Variants in RBM8A observed in about 807,000 individuals in gnomAD.
RBM8A encodes the protein RNA-binding protein 8A.
Under a neutral mutation model 25.1 loss-of-function variants are expected in RBM8A, and 8 were observed. The observed-to-expected ratio is 0.32, with a 90% CI of 0.19 to 0.58. The LOEUF is 0.58. RBM8A is among the 20% of genes least tolerant of loss of function. The pLI, the probability that RBM8A is intolerant of heterozygous loss-of-function variation, is 0.88. For synonymous variants in RBM8A, 66 were observed against 80.0 expected (o/e 0.82, Z 0.94); for missense variants, 114 against 236.8 (o/e 0.48, Z 3.40).
rs1647851787 is a variant in RBM8A, at chr1:145,922,534, TGACA to T, written c.*3344_*3347del. On this transcript the variant is annotated 3_prime_UTR_variant, in exon 6 of 6. Coordinates refer to ENST00000583313, the MANE Select transcript of RBM8A (RefSeq NM_005105.5). ...ATGAATTTCATCCTTTCTTACAGCC[TGACA>T]ATCTGACAATATTTGCAACCTCTAT... 1 of 152,236 alleles carries T rather than the reference TGACA, an allele frequency of 6.6e-6. No individual in the cohort carries two copies. Among genetic ancestry groups the T allele is most frequent in the Non-Finnish European group, 1.5e-5 (1 of 68,040 alleles). The allele number at this position is 152,236 out of a possible 1,614,324, so 9.4% of individuals were successfully genotyped here.
At chr1:145,926,298 A>T (rs1280382515) in intron 4 of RBM8A, 121 bp from the exon 5 acceptor site, 1 of 1,458,206 alleles carries the variant, frequency 6.9e-7, no homozygotes, top group African/African-American at 1.4e-5. Context: ...AATGTACATC[A>T]TATATCTCTA....
At chr1:145,926,020 T>C in intron 5 of RBM8A, 21 bp downstream of exon 5, 1 of 1,614,216 alleles carries the variant, frequency 6.2e-7, no homozygotes, top group Non-Finnish European at 8.5e-7. Flanking sequence ...ACCCAGACAG[T>C]ATTTGCCCTC....
In RBM8A at chr1:145,924,107, T is replaced by C. The variant is rs782516553; in HGVS notation, c.*1775A>G. The C allele has an allele frequency of 5.6e-6, 4 of 713,348 alleles. No homozygotes were observed. The highest frequency in any genetic ancestry group is 3.0e-5 in the South Asian group (2 of 66,802). The allele number at this position is 713,348 out of a possible 1,614,324, so 44.2% of individuals were successfully genotyped here. ...AGACAGTATGACATAGGTGGGTAGGTTGGGTGGTGAGGGGAACCAGTTCTA... is the reference window on the plus strand; with the variant it reads ...AGACAGTATGACATAGGTGGGTAGGCTGGGTGGTGAGGGGAACCAGTTCTA... On this transcript the variant is annotated 3_prime_UTR_variant, in exon 6 of 6. Transcript: ENST00000583313.
At position 145,925,906 on chromosome 1, in the gene RBM8A, T is replaced by C. The variant is rs1553755763; in HGVS notation, c.501A>G (p.Arg167=). The C allele has an allele frequency of 6.2e-7, 1 of 1,614,164 alleles. No individual in the cohort carries two copies. ...GKRRGGRRRS[R]SPDRRRR is the part of the protein sequence containing the mutation. ...GTCAGCGACGTCTCCGGTCTGGACT[T>C]CTGCTGCGTCTTCGGCCACCTCTAG... Residue 167 remains arginine, a synonymous_variant, in exon 6 of 6, where the codon AGA becomes AGG. Transcript: ENST00000583313.
At chr1:145,926,674 T>A (rs1464453579) in intron 3 of RBM8A, 56 bp from the exon 4 acceptor site, 10 of 1,612,550 alleles carry the variant, frequency 6.2e-6, no homozygotes, top group Middle Eastern at 1.7e-4. Flanking sequence ...TTAAGCAGGC[T>A]CACAGGAATA....
At chr1:145,926,737 C>A in intron 3 of RBM8A, 72 bp downstream of exon 3, 1 of 1,613,832 alleles carries the variant, frequency 6.2e-7, no homozygotes, top group African/African-American at 1.3e-5. Context: ...ATTCCTACTG[C>A]GTTTAACTAT....
At position 145,925,714 on chromosome 1, in the gene RBM8A, C is replaced by A. The variant is rs1648112262; in HGVS notation, c.*168G>T. On this transcript the variant is annotated 3_prime_UTR_variant, in exon 6 of 6. Transcript: ENST00000583313. Reference sequence around the variant, plus strand: ...TTTCAATTTTAGGACAGGAAAGTAACATTAAATGTAGAAAACAAAAATGGA... The same window carrying A: ...TTTCAATTTTAGGACAGGAAAGTAAAATTAAATGTAGAAAACAAAAATGGA... The A allele has an allele frequency of 1.4e-6, 1 of 695,212 alleles. No individual in the cohort carries two copies. The highest frequency in any genetic ancestry group is 2.4e-6 in the Non-Finnish European group (1 of 415,064). The allele number at this position is 695,212 out of a possible 1,614,324, so 43.1% of individuals were successfully genotyped here. A position where few individuals can be genotyped will look rare whatever the true frequency, so the allele number is the denominator to read the frequency against.
Position 145,925,638 on chromosome 1 carries a change from C to T in RBM8A, c.*244G>A, listed in dbSNP as rs1402859608. The T allele has an allele frequency of 3.8e-6, 2 of 532,778 alleles. No individual in the cohort carries two copies. The highest frequency in any genetic ancestry group is 5.2e-4 in the Middle Eastern group (1 of 1,940). 33.0% of individuals were successfully genotyped at this position (532,778 alleles called of 1,614,324 possible). ...AAAAAAGAAATACATAGAGTTCAGT[C>T]CCTAGAAGTATCTTCACAATGATCC... On this transcript the variant is annotated 3_prime_UTR_variant, in exon 6 of 6. Transcript: ENST00000583313.
intron 3 of RBM8A, 63 bp from the exon 4 acceptor site, chr1:145,926,681 AAT>A: frequency 6.2e-7 from 1 of 1,612,670 alleles, no homozygotes. Context: ...GGCTCACAGG[AAT>A]AGAGTGAGTG....
Position 145,922,457 on chromosome 1 carries a change from A to AT in RBM8A, c.*3424dup, listed in dbSNP as rs1419401739. 2 of 152,024 alleles carry AT rather than the reference A, an allele frequency of 1.3e-5. No individual in the cohort carries two copies. Among genetic ancestry groups the AT allele is most frequent in the Non-Finnish European group, 2.9e-5 (2 of 68,012 alleles). 9.4% of individuals were successfully genotyped at this position (152,024 alleles called of 1,614,324 possible). On this transcript the variant is annotated 3_prime_UTR_variant, in exon 6 of 6. Transcript: ENST00000583313. Reference sequence around the variant, plus strand: ...GGCTCTACTGCTAACTAGCTATATGATTTTGGCTAAGGCACTTGAAATCCA... The same window carrying AT: ...GGCTCTACTGCTAACTAGCTATATGATTTTTGGCTAAGGCACTTGAAATCCA...
rs1199754067 is a variant in RBM8A at position 145,924,181 on chromosome 1, A to G, written c.*1701T>C. On this transcript the variant is annotated 3_prime_UTR_variant, in exon 6 of 6. Coordinates refer to ENST00000583313, the MANE Select transcript of RBM8A (RefSeq NM_005105.5). ...TGTTCCTGTTCCACACGGTCCACTG[A>G]GCTGGCCCAGTCCCTTTCACTCAGT... 7 of 697,822 alleles carry G rather than the reference A, an allele frequency of 1.0e-5. No homozygotes were observed. Among genetic ancestry groups the G allele is most frequent in the Non-Finnish European group, 1.9e-5 (7 of 372,726 alleles). 43.2% of individuals were successfully genotyped at this position (697,822 alleles called of 1,614,324 possible). A position where few individuals can be genotyped will look rare whatever the true frequency, so the allele number is the denominator to read the frequency against.
Position 145,925,925 on chromosome 1 carries a change from C to A in RBM8A, c.482G>T (p.Gly161Val). 6.2e-7 allele frequency: 1 copy of A among 1,614,180 alleles called. No homozygotes were observed. Among genetic ancestry groups the A allele is most frequent in the South Asian group, 1.1e-5 (1 of 91,080 alleles). The change falls in exon 6 of 6, where the codon GGT becomes GTT. Residue 161 changes from glycine to valine, a missense_variant and splice_region_variant. Physicochemically the swap from Gly to Val is moderately radical, Grantham distance 109. Transcript: ENST00000583313. ...TGGACTTCTGCTGCGTCTTCGGCCACCTCTAGGGAAAAAGAAGCAGGGAGA... is the reference window on the plus strand; with the variant it reads ...TGGACTTCTGCTGCGTCTTCGGCCAACTCTAGGGAAAAAGAAGCAGGGAGA... Reference protein sequence around the residue: ...VRGPPKGKRRGGRRRSRSPDR... With the variant: ...VRGPPKGKRRVGRRRSRSPDR...
rs782772037 is a variant in RBM8A at position 145,927,456 on chromosome 1, C to T, written c.-30G>A. On this transcript the variant is annotated 5_prime_UTR_variant, in exon 1 of 6. Transcript: ENST00000583313. ...CCTTCGATCGAGATCTCGTCTGTGC[C>T]GCTCAGACACTAGGTACCTCGGGAA... 1.3e-6 allele frequency: 2 copies of T among 1,599,640 alleles called. No homozygotes were observed. The highest frequency in any genetic ancestry group is 2.2e-5 in the South Asian group (2 of 88,892).
At chr1:145,926,911 C>G (rs1553756055) in intron 2 of RBM8A, 25 bp from the exon 3 acceptor site, 3 of 1,614,084 alleles carry the variant, frequency 1.9e-6, no homozygotes. Flanking sequence ...CACGAGATCA[C>G]CGAAAACTCC....
Position 145,926,027 on chromosome 1 carries a change from C to A in RBM8A, c.479+14G>T. 1 of 1,614,166 alleles carries A rather than the reference C, an allele frequency of 6.2e-7. No individual in the cohort carries two copies. Among genetic ancestry groups the A allele is most frequent in the South Asian group, 1.1e-5 (1 of 91,082 alleles). ...TTCCCTTCACCCAGACAGTATTTGCCCTCTTCATTTTACCTCCTCTTGCCT... is the reference window on the plus strand; with the variant it reads ...TTCCCTTCACCCAGACAGTATTTGCACTCTTCATTTTACCTCCTCTTGCCT... On this transcript the variant is annotated intron_variant, in intron 5 of 5. Transcript: ENST00000583313.
In RBM8A at chr1:145,923,476, T is replaced by A. The variant is rs1419562905; in HGVS notation, c.*2406A>T. On this transcript the variant is annotated 3_prime_UTR_variant, in exon 6 of 6. Transcript: ENST00000583313. ...GCTAAAATCACTTTCCCAAATGCCT[T>A]GTATCTAGGAATCTGATGCCTACTG... The A allele has an allele frequency of 6.3e-6, 1 of 158,576 alleles. No individual in the cohort carries two copies. Among genetic ancestry groups the A allele is most frequent in the African/African-American group, 2.4e-5 (1 of 41,762 alleles). 9.8% of individuals were successfully genotyped at this position (158,576 alleles called of 1,614,324 possible).
In RBM8A at chr1:145,926,181, G is replaced by A. The variant is rs201260036; in HGVS notation, c.343-4C>T. 2 of 1,612,796 alleles carry A rather than the reference G, an allele frequency of 1.2e-6. No individual in the cohort carries two copies. Among genetic ancestry groups the A allele is most frequent in the Admixed American group, 1.7e-5 (1 of 59,972 alleles). On this transcript the variant is annotated splice_region_variant and splice_polypyrimidine_tract_variant and intron_variant, in intron 4 of 5. Transcript: ENST00000583313. ...CATATTCAACTAGAGTATACCCCTG[G>A]GGAAAGTGAAAAGACAGATATGAAA...
chr1:145,926,714 T>G lies in RBM8A; in HGVS notation c.205+95A>C. 2.5e-6 allele frequency: 4 copies of G among 1,613,194 alleles called. No homozygotes were observed. The South Asian group carries it at 4.4e-5, about 18-fold the overall frequency. ...GAGTGCGGACTCAGATTGTTTAAGC[T>G]ATCTCTGAACCCATTCCTACTGCGT... On this transcript the variant is annotated intron_variant, in intron 3 of 5. Transcript: ENST00000583313.
chr1:145,927,463 A>G lies in RBM8A; in HGVS notation c.-37T>C, dbSNP rs768998134. On this transcript the variant is annotated 5_prime_UTR_variant, in exon 1 of 6. Coordinates refer to ENST00000583313, the MANE Select transcript of RBM8A (RefSeq NM_005105.5). ...TCGAGATCTCGTCTGTGCCGCTCAG[A>G]CACTAGGTACCTCGGGAAACTGTCG... The G allele has an allele frequency of 1.9e-6, 3 of 1,594,940 alleles. No homozygotes were observed. The highest frequency in any genetic ancestry group is 2.6e-6 in the Non-Finnish European group (3 of 1,169,726).
Sources: allele counts gnomAD v4.1 joint callset, GRCh38; gene constraint gnomAD v4.1.1; transcripts MANE v1.5; gene names NCBI Gene and HGNC (gene_info 2026-07-23, HGNC 2026-07-21).